RUVBL1: variants seen among roughly 807,000 people sequenced by gnomAD.
The protein encoded by RUVBL1 is ruvB-like 1.
RUVBL1 carries 4 observed loss-of-function variants against 52.4 expected under a neutral mutation model. That is an observed-to-expected ratio of 0.08 (90% CI 0.04 to 0.17). The LOEUF is 0.17. Among genes scored for constraint, RUVBL1 ranks in the 10% least tolerant of loss-of-function variants. The pLI is 1.00. For synonymous variants in RUVBL1, 217 were observed against 214.4 expected (o/e 1.01, Z -0.10); for missense variants, 298 against 572.8 (o/e 0.52, Z 4.90).
chr3:128,136,747 G>A (rs796577557), intron 1 of RUVBL1, among the ~76,000 whole-genome samples: 7 of 151,878 alleles, frequency 4.6e-5, no homozygotes, highest in African/African-American at 1.7e-4. Flanking sequence ...CCAAAAAAGA[G>A]CAGGAGTAGC....
intron 4 of RUVBL1, 87 bp downstream of exon 4, chr3:128,104,686 C>A: frequency 8.3e-7 from 1 of 1,208,334 alleles, no homozygotes; most frequent in African/African-American, 1.5e-5. Context: ...GGTCAGGAAA[C>A]TGGGATGCAG....
chr3:128,113,515 G>A (rs532033926), intron 2 of RUVBL1, among the ~76,000 whole-genome samples: 1 of 152,270 alleles, frequency 6.6e-6, no homozygotes, highest in South Asian at 2.1e-4. Context: ...GTATAAAATG[G>A]CAGGGTATTT....
intron 3 of RUVBL1, among the ~76,000 whole-genome samples, chr3:128,105,591 A>C (rs1279532623): frequency 1.3e-5 from 2 of 152,146 alleles, no homozygotes; most frequent in Non-Finnish European, 2.9e-5. Context: ...TGGCTATCAA[A>C]ACTCCTGTAG....
chr3:128,141,260 C>T (rs540716679), intron 1 of RUVBL1, among the ~76,000 whole-genome samples: 1 of 152,348 alleles, frequency 6.6e-6, no homozygotes, highest in Admixed American at 6.5e-5. Flanking sequence ...GGGGTCTGTC[C>T]TGATGCTCCA....
intron 5 of RUVBL1, among the ~76,000 whole-genome samples, chr3:128,101,305 C>A (rs1053201458): frequency 2.0e-5 from 3 of 152,230 alleles, no homozygotes; most frequent in African/African-American, 7.2e-5. Flanking sequence ...TGTCCTCCCC[C>A]TCTGAACAGG....
At chr3:128,088,263 A>G (rs1215394836) in intron 8 of RUVBL1, among the ~76,000 whole-genome samples, 1 of 151,496 alleles carries the variant, frequency 6.6e-6, no homozygotes, top group Non-Finnish European at 1.5e-5. Flanking sequence ...CTCTGTTCCA[A>G]AAAGAAAGAA....
downstream of RUVBL1, among the ~76,000 whole-genome samples, chr3:128,076,285 G>A (rs1425019620): frequency 2.0e-5 from 3 of 152,184 alleles, no homozygotes; most frequent in East Asian, 3.9e-4. The surrounding 1 kb of genome is among the most constrained non-coding windows in gnomAD (Gnocchi z 6.8). Flanking sequence ...CCAACGGTGC[G>A]CTGAGAGCGC....
chr3:128,123,682 T>C lies in RUVBL1; in HGVS notation c.43A>G (p.Ile15Val), dbSNP rs1943714174. Reference sequence around the variant, plus strand: ...CCTTTCACGTGGCTGTGGGAGGCGATGCGCTGCGTCTTCGTAGTGCTCTTC... The same window carrying C: ...CCTTTCACGTGGCTGTGGGAGGCGACGCGCTGCGTCTTCGTAGTGCTCTTC... ...EVKSTTKTQRIASHSHVKGLG... is the reference protein window; with the variant it reads ...EVKSTTKTQRVASHSHVKGLG... The change falls in exon 1 of 11, where the codon ATC becomes GTC. Residue 15 changes from isoleucine to valine, a missense_variant. Physicochemically the swap from Ile to Val is conservative, Grantham distance 29. Coordinates refer to ENST00000322623, the MANE Select transcript of RUVBL1 (RefSeq NM_003707.3). 6.2e-7 allele frequency: 1 copy of C among 1,612,204 alleles called. No individual in the cohort carries two copies. Among genetic ancestry groups the C allele is most frequent in the African/African-American group, 1.3e-5 (1 of 75,042 alleles).
At chr3:128,108,827 C>CTTT (rs2107701382) in intron 3 of RUVBL1, among the ~76,000 whole-genome samples, 1 of 152,068 alleles carries the variant, frequency 6.6e-6, no homozygotes, top group East Asian at 1.9e-4. Context: ...GATTTTAAAC[C>CTTT]TTAAAGGAGT....
intron 1 of RUVBL1, among the ~76,000 whole-genome samples, chr3:128,150,898 A>AT (rs1260503127): frequency 0.045 from 3,731 of 83,570 alleles, 203 homozygotes; most frequent in African/African-American, 0.056. Context: ...TATTCTATAT[A>AT]TATAATATAA....
chr3:128,086,090 G>A (rs750209040), intron 9 of RUVBL1, among the ~76,000 whole-genome samples: 8 of 152,092 alleles, frequency 5.3e-5, no homozygotes, highest in Non-Finnish European at 1.2e-4. Context: ...TCGACCTCCT[G>A]GGCTAAAGCG....
intron 1 of RUVBL1, among the ~76,000 whole-genome samples, chr3:128,120,850 G>A (rs781327205): frequency 1.3e-5 from 2 of 151,860 alleles, no homozygotes; most frequent in Non-Finnish European, 2.9e-5. Context: ...TCAATCTCCC[G>A]ACCATGTAAT....
At chr3:128,106,739 A>G (rs1943251323) in intron 3 of RUVBL1, among the ~76,000 whole-genome samples, 1 of 152,250 alleles carries the variant, frequency 6.6e-6, no homozygotes, top group Admixed American at 6.5e-5. Context: ...TACATGTTCT[A>G]TATGGTAATG....
At chr3:128,072,280 C>T (rs1002787425) in intron 9 of RUVBL1, among the ~76,000 whole-genome samples, 3 of 152,242 alleles carry the variant, frequency 2.0e-5, no homozygotes, top group East Asian at 1.9e-4. Context: ...AACCTGCCGC[C>T]GTCCCCACCA....
Position 128,101,713 on chromosome 3 carries a change from G to C in RUVBL1, c.514-65C>G, listed in dbSNP as rs536100504. On this transcript the variant is annotated intron_variant, in intron 4 of 10. Transcript: ENST00000322623. Reference sequence around the variant, plus strand: ...CCATTTCCTTCTGACACCATGTAAGGTACCTTTCCGTAAGGGATCTGAGGT... The same window carrying C: ...CCATTTCCTTCTGACACCATGTAAGCTACCTTTCCGTAAGGGATCTGAGGT... 7 of 1,523,268 alleles carry C rather than the reference G, an allele frequency of 4.6e-6. No homozygotes were observed. In the East Asian group the frequency reaches 1.6e-4, roughly 34 times the overall value. The allele number at this position is 1,523,268 out of a possible 1,614,324, so 94.4% of individuals were successfully genotyped here. A position where few individuals can be genotyped will look rare whatever the true frequency, so the allele number is the denominator to read the frequency against.
Position 128,100,667 on chromosome 3 carries a change from A to G in RUVBL1, c.681T>C (p.Asp227=), listed in dbSNP as rs747507871. The change falls in exon 6 of 11, where the codon GAT becomes GAC. Residue 227 remains aspartate (D), a synonymous_variant. Coordinates refer to ENST00000322623, the MANE Select transcript of RUVBL1 (RefSeq NM_003707.3). The part of the protein sequence containing the change: ...AEEYVPLPKG[D]VHKKKEIIQD... ...GGATGATTTCTTTCTTTTTGTGCACATCCCCTTTTGGCAAGGGGACATACT... is the reference window on the plus strand; with the variant it reads ...GGATGATTTCTTTCTTTTTGTGCACGTCCCCTTTTGGCAAGGGGACATACT... The G allele has an allele frequency of 2.5e-6, 4 of 1,613,874 alleles. No individual in the cohort carries two copies. The highest frequency in any genetic ancestry group is 1.7e-5 in the Admixed American group (1 of 59,952).
intron 4 of RUVBL1, among the ~76,000 whole-genome samples, chr3:128,103,600 T>G (rs1213672577): frequency 1.3e-5 from 2 of 152,200 alleles, no homozygotes; most frequent in Non-Finnish European, 2.9e-5. Context: ...ATGAGAAAAC[T>G]GAGTCCCAGA....
chr3:128,097,167 A>T, intron 8 of RUVBL1, 133 bp downstream of exon 8: 1 of 869,356 alleles, frequency 1.2e-6, no homozygotes, highest in Non-Finnish European at 1.8e-6. Context: ...GCCACTTGGC[A>T]CATTTTCCCT....
intron 5 of RUVBL1, among the ~76,000 whole-genome samples, chr3:128,101,212 A>G (rs1160952035): frequency 1.3e-5 from 2 of 152,238 alleles, no homozygotes; most frequent in Non-Finnish European, 2.9e-5. Context: ...CTTGGGAAGA[A>G]AATACCAAAG....
Sources: gnomAD v4.1 joint callset for allele counts (sites outside exome capture counted in the v4.1 genomes callset) on GRCh38, gnomAD v4.1.1 for gene constraint, Gnocchi (gnomAD v3.1) non-coding constraint, MANE v1.5 for transcripts, NCBI Gene and HGNC (gene_info 2026-07-23, HGNC 2026-07-21) for gene names.